The following MIGA2 variants were observed in gnomAD, a reference collection of about 807,000 sequenced individuals.
MIGA2 encodes the protein mitoguardin 2, also known as family with sequence similarity 73, member B.
In MIGA2, 36 loss-of-function variants were observed where a neutral mutation model predicts 69.9. The observed-to-expected ratio is 0.52, with a 90% CI of 0.39 to 0.68. The LOEUF (loss-of-function observed/expected upper bound fraction) is 0.68. MIGA2 is among the 30% of genes least tolerant of loss of function. The pLI, the probability that MIGA2 is intolerant of heterozygous loss-of-function variation, is 0.00. For synonymous variants in MIGA2, 333 were observed against 349.2 expected (o/e 0.95, Z 0.52); for missense variants, 660 against 787.7 (o/e 0.84, Z 1.94).
chr9:129,065,847 G>A (rs865842903), intron 11 of MIGA2, among the ~76,000 whole-genome samples: 8 of 152,074 alleles, frequency 5.3e-5, no homozygotes, highest in African/African-American at 1.7e-4. Context: ...CCTGAGGCCC[G>A]AGAGAACCCT....
intron 1 of MIGA2, among the ~76,000 whole-genome samples, chr9:129,037,267 A>G (rs1844643351): frequency 1.3e-5 from 2 of 152,048 alleles, no homozygotes; most frequent in African/African-American, 2.4e-5. Context: ...GGCCAGAGTC[A>G]TTAGTGGGGT....
rs779506159 is a variant in MIGA2 at position 129,049,471 on chromosome 9, G to T, written c.511G>T (p.Gly171Cys). Residue 171 changes from glycine to cysteine, a missense_variant, in exon 5 of 16, where the codon GGC becomes TGC. Coordinates refer to ENST00000684074, the MANE Select transcript of MIGA2 (RefSeq NM_001329990.2). The part of the protein sequence containing the change: ...GMEESLTTSD[G>C]NAESLYMQGM... ...GGAGGAGTCTCTGACCACCAGCGAC[G>T]GCAATGCAGAGAGCCTGTACATGCA... The T allele has an allele frequency of 1.9e-6, 3 of 1,613,380 alleles. No homozygotes were observed. In the African/African-American group the frequency reaches 4.0e-5, roughly 22 times the overall value.
intron 6 of MIGA2, among the ~76,000 whole-genome samples, chr9:129,052,370 G>A (rs1004328481): frequency 5.9e-5 from 9 of 151,888 alleles, no homozygotes; most frequent in African/African-American, 1.7e-4. Context: ...TGATCCACCC[G>A]CCTCGGCCTC....
intron 3 of MIGA2, among the ~76,000 whole-genome samples, chr9:129,044,877 C>T (rs990610889): frequency 2.0e-5 from 3 of 151,930 alleles, no homozygotes; most frequent in South Asian, 2.1e-4. Context: ...GGGTGTGAGC[C>T]GCCGTGCCCA....
rs1279216278 is a variant in MIGA2, at chr9:129,042,366, G to A, written c.159G>A (p.Leu53=). The A allele has an allele frequency of 6.2e-7, 1 of 1,613,576 alleles. No homozygotes were observed. The highest frequency in any genetic ancestry group is 8.5e-7 in the Non-Finnish European group (1 of 1,180,042). Reference sequence around the variant, plus strand: ...GGAAAGTCCTCTTTGCCACGGCCCTGGGGACTGTGGCCCTGGCCCTGGCTG... The same window carrying A: ...GGAAAGTCCTCTTTGCCACGGCCCTAGGGACTGTGGCCCTGGCCCTGGCTG... ...GLRKVLFATA[L]GTVALALAAH... is the part of the protein sequence containing the mutation. The change falls in exon 3 of 16, where the codon CTG becomes CTA. Residue 53 remains leucine (L), a synonymous_variant. Coordinates refer to ENST00000684074, the MANE Select transcript of MIGA2 (RefSeq NM_001329990.2).
Position 129,060,561 on chromosome 9 carries a change from A to G in MIGA2, c.805A>G (p.Met269Val), listed in dbSNP as rs1433138140. The G allele has an allele frequency of 3.1e-6, 5 of 1,597,996 alleles. No homozygotes were observed. The highest frequency in any genetic ancestry group is 4.3e-6 in the Non-Finnish European group (5 of 1,171,878). The change falls in exon 8 of 16, where the codon ATG becomes GTG. Residue 269 changes from methionine (M) to valine (V), a missense_variant. Coordinates refer to ENST00000684074, the MANE Select transcript of MIGA2 (RefSeq NM_001329990.2). The surrounding 1 kb of genome is among the most constrained non-coding windows in gnomAD (Gnocchi z 4.8). ...SMLLDLERTL[M>V]LPLTEGSLRL... ...ACTGCTCTTCCCAGAGAGGACCCTC[A>G]TGCTGCCCCTGACCGAGGGCTCGCT...
chr9:129,068,251 C>T lies in MIGA2; in HGVS notation c.1323C>T (p.Ala441=), dbSNP rs1177943397. The T allele has an allele frequency of 1.9e-6, 3 of 1,613,658 alleles. No homozygotes were observed. The highest frequency in any genetic ancestry group is 2.5e-6 in the Non-Finnish European group (3 of 1,180,016). ...TGCTGGACTTCATCCTCATGGACGCCTTCGAGGACCTGGAGAACCCTCCGG... is the reference window on the plus strand; with the variant it reads ...TGCTGGACTTCATCCTCATGGACGCTTTCGAGGACCTGGAGAACCCTCCGG... ...DIVLDFILMD[A]FEDLENPPAS... The change falls in exon 13 of 16, where the codon GCC becomes GCT. Residue 441 remains alanine, a synonymous_variant. Coordinates refer to ENST00000684074, the MANE Select transcript of MIGA2 (RefSeq NM_001329990.2). The surrounding 1 kb of genome is among the most constrained non-coding windows in gnomAD (Gnocchi z 4.1).
Position 129,060,788 on chromosome 9 carries a change from C to A in MIGA2, c.894+138C>A. ...GAATTTGGATGCTCCCACGGGCCTCCTCGAAGCTGTTGGGGATGGGGGGTG... is the reference window on the plus strand; with the variant it reads ...GAATTTGGATGCTCCCACGGGCCTCATCGAAGCTGTTGGGGATGGGGGGTG... On this transcript the variant is annotated intron_variant, in intron 8 of 15. Transcript: ENST00000684074. This position sits in a 1 kb window ranked among gnomAD's most constrained non-coding sequence, Gnocchi z 4.8. 1 of 742,742 alleles carries A rather than the reference C, an allele frequency of 1.3e-6. No homozygotes were observed. The highest frequency in any genetic ancestry group is 2.2e-6 in the Non-Finnish European group (1 of 455,122). 46.0% of individuals were successfully genotyped at this position (742,742 alleles called of 1,614,324 possible).
intron 6 of MIGA2, among the ~76,000 whole-genome samples, chr9:129,053,005 G>C (rs1345903350): frequency 6.6e-6 from 1 of 152,188 alleles, no homozygotes; most frequent in African/African-American, 2.4e-5. Context: ...ATCTGAAAAT[G>C]ATAGAATTTG....
chr9:129,060,589 G>A lies in MIGA2; in HGVS notation c.833G>A (p.Arg278Gln), dbSNP rs139001567. The A allele has an allele frequency of 4.6e-5, 74 of 1,606,388 alleles. No individual in the cohort carries two copies. The highest frequency in any genetic ancestry group is 5.7e-5 in the Non-Finnish European group (67 of 1,176,622). Residue 278 changes from arginine to glutamine, a missense_variant, in exon 8 of 16, where the codon CGG becomes CAG. By Grantham distance (43) the Arg-to-Gln change is conservative. Around this residue, in one of 3 missense-constraint regions of MIGA2, gnomAD observed 386 missense variants for 402.0 expected, o/e 0.96. Transcript: ENST00000684074. This position sits in a 1 kb window ranked among gnomAD's most constrained non-coding sequence, Gnocchi z 4.8. ...LMLPLTEGSLRLRADDEDSLT... is the reference protein window; with the variant it reads ...LMLPLTEGSLQLRADDEDSLT... The stretch of plus-strand genomic sequence containing the variant: ...CTGCCCCTGACCGAGGGCTCGCTGC[G>A]GCTGCGGGCGGACGATGAGGACAGC...
chr9:129,043,689 G>A (rs1459873265), intron 3 of MIGA2, among the ~76,000 whole-genome samples: 4 of 151,356 alleles, frequency 2.6e-5, no homozygotes, highest in Non-Finnish European at 5.9e-5. Flanking sequence ...ACCCGGCCCC[G>A]GCCATCTTTC....
intron 11 of MIGA2, among the ~76,000 whole-genome samples, chr9:129,066,993 G>T (rs1366171661): frequency 6.8e-6 from 1 of 146,732 alleles, no homozygotes; most frequent in Non-Finnish European, 1.5e-5. Flanking sequence ...AAAATTAGCC[G>T]GGCGTGGTGG....
At position 129,070,662 on chromosome 9, in the gene MIGA2, G is replaced by A; in HGVS notation, c.*209G>A. 1 of 579,524 alleles carries A rather than the reference G, an allele frequency of 1.7e-6. No homozygotes were observed. Among genetic ancestry groups the A allele is most frequent in the Non-Finnish European group, 3.0e-6 (1 of 334,028 alleles). 35.9% of individuals were successfully genotyped at this position (579,524 alleles called of 1,614,324 possible). A position where few individuals can be genotyped will look rare whatever the true frequency, so the allele number is the denominator to read the frequency against. On this transcript the variant is annotated 3_prime_UTR_variant, in exon 16 of 16. Transcript: ENST00000684074. ...GCCAGGACCAGTGGGGCCTGTGGGA[G>A]AGAAAGGCTGTGAGAGAGGGGGTTG... is the stretch of plus-strand genomic sequence containing the variant.
At chr9:129,070,058 G>A in intron 15 of MIGA2, 93 bp downstream of exon 15, 1 of 1,284,394 alleles carries the variant, frequency 7.8e-7, no homozygotes, top group Non-Finnish European at 1.1e-6. Flanking sequence ...GCCTGGGCCT[G>A]GGCCTGCTCC....
chr9:129,051,849 G>A (rs540112736), intron 6 of MIGA2, among the ~76,000 whole-genome samples: 21 of 149,760 alleles, frequency 1.4e-4, no homozygotes, highest in African/African-American at 4.0e-4. Context: ...AATTAGAGAC[G>A]GAGTCTCACT....
intron 6 of MIGA2, among the ~76,000 whole-genome samples, chr9:129,054,329 C>T (rs1297812573): frequency 4.0e-5 from 6 of 151,474 alleles, no homozygotes; most frequent in African/African-American, 1.5e-4. Flanking sequence ...TGGCGCACAC[C>T]ATGTGGTAGT....
At chr9:129,063,682 G>T (rs1409411505) in intron 11 of MIGA2, 51 bp downstream of exon 11, 4 of 1,595,268 alleles carry the variant, frequency 2.5e-6, no homozygotes, top group Non-Finnish European at 1.7e-6. Context: ...AACCACAGAG[G>T]GTCCCCCTGA....
Position 129,060,453 on chromosome 9 carries a change from C to A in MIGA2, c.794-97C>A, listed in dbSNP as rs1846006514. The A allele has an allele frequency of 1.0e-6, 1 of 980,116 alleles. No individual in the cohort carries two copies. Among genetic ancestry groups the A allele is most frequent in the Non-Finnish European group, 1.5e-6 (1 of 657,116 alleles). The allele number at this position is 980,116 out of a possible 1,614,324, so 60.7% of individuals were successfully genotyped here. A position where few individuals can be genotyped will look rare whatever the true frequency, so the allele number is the denominator to read the frequency against. ...TGGGAATCACAGGCTCGGGATGAAGCCTCCCCTGGGCCTGATGGGGGACTT... is the reference window on the plus strand; with the variant it reads ...TGGGAATCACAGGCTCGGGATGAAGACTCCCCTGGGCCTGATGGGGGACTT... On this transcript the variant is annotated intron_variant, in intron 7 of 15. Transcript: ENST00000684074. The surrounding 1 kb of genome is among the most constrained non-coding windows in gnomAD (Gnocchi z 4.8).
At position 129,040,870 on chromosome 9, in the gene MIGA2, C is replaced by T. The variant is rs577846674; in HGVS notation, c.96+180C>T. ...GCCTGTTCTTTAGCCTGAGACTATA[C>T]GAACTCTTTTTTTTTTAATTAATTA... On this transcript the variant is annotated intron_variant, in intron 2 of 15. Coordinates refer to ENST00000684074, the MANE Select transcript of MIGA2 (RefSeq NM_001329990.2). 6.6e-5 allele frequency among the ~76,000 whole-genome samples: 10 copies of T among 152,182 alleles called. No individual in the cohort carries two copies. The South Asian group carries it at 8.3e-4, about 13-fold the overall frequency.
Sources: allele counts gnomAD v4.1 joint callset (sites outside exome capture counted in the v4.1 genomes callset), GRCh38; gene constraint gnomAD v4.1.1; regional missense constraint gnomAD v4.1.1; non-coding constraint Gnocchi (gnomAD v3.1); transcripts MANE v1.5; gene names NCBI Gene and HGNC (gene_info 2026-07-23, HGNC 2026-07-21).